Variants in PEMT observed in about 807,000 individuals in gnomAD.
The protein encoded by PEMT is phosphatidylethanolamine N-methyltransferase.
In PEMT, 23 loss-of-function variants were observed where a neutral mutation model predicts 27.4. That is an observed-to-expected ratio of 0.84 (90% CI 0.60 to 1.19). PEMT has a LOEUF of 1.19. Ranked by LOEUF, PEMT falls within the 50% of genes most tolerant of loss-of-function variation. The pLI is 0.00. For missense variants in PEMT, 307 were observed against 310.1 expected (o/e 0.99, Z 0.07); for synonymous variants, 137 against 139.1 (o/e 0.98, Z 0.11).
At chr17:17,584,358 A>G (rs2142759146) in intron 1 of PEMT, among the ~76,000 whole-genome samples, 1 of 152,098 alleles carries the variant, frequency 6.6e-6, no homozygotes, top group South Asian at 2.1e-4. Context: ...ACAGGGTTTC[A>G]CCGTGTTAGC....
chr17:17,508,406 C>G lies in PEMT; in HGVS notation c.578+1028G>C, dbSNP rs190925627. On this transcript the variant is annotated intron_variant, in intron 5 of 6. Transcript: ENST00000255389. ...GGGTCCCAGCCAGACCCACAGCCCC[C>G]CTTCTAGCTTCTGCTGTCTCCAACC... is the stretch of plus-strand genomic sequence containing the variant. The G allele has an allele frequency of 1.2e-3, 233 of 192,792 alleles. 1 individual carries two copies. The highest frequency in any genetic ancestry group is 2.1e-3 in the Non-Finnish European group (195 of 92,856). 11.9% of individuals were successfully genotyped at this position (192,792 alleles called of 1,614,324 possible). A position where few individuals can be genotyped will look rare whatever the true frequency, so the allele number is the denominator to read the frequency against.
Position 17,506,404 on chromosome 17 carries a change from G to A in PEMT, c.579-103C>T, listed in dbSNP as rs1597862675. On this transcript the variant is annotated intron_variant, in intron 5 of 6. Transcript: ENST00000255389. The stretch of plus-strand genomic sequence containing the variant: ...CTTCCTGCCGTGACCCTGGCCCTCC[G>A]GCCGACGCTGGGCCACTTGGGCCGA... The A allele has an allele frequency of 2.5e-5, 20 of 792,480 alleles. 1 individual carries two copies. Among genetic ancestry groups the A allele is most frequent in the African/African-American group, 1.7e-4 (10 of 57,204 alleles). 49.1% of individuals were successfully genotyped at this position (792,480 alleles called of 1,614,324 possible). A position where few individuals can be genotyped will look rare whatever the true frequency, so the allele number is the denominator to read the frequency against.
intron 2 of PEMT, among the ~76,000 whole-genome samples, chr17:17,571,460 G>C (rs1911186815): frequency 6.6e-6 from 1 of 152,192 alleles, no homozygotes; most frequent in South Asian, 2.1e-4. Flanking sequence ...CAGAGTGGAG[G>C]AGATGCCAGC....
At chr17:17,552,218 A>G (rs1159508738) in intron 2 of PEMT, among the ~76,000 whole-genome samples, 1 of 152,108 alleles carries the variant, frequency 6.6e-6, no homozygotes, top group East Asian at 1.9e-4. Context: ...AGGCTGAGGC[A>G]GGAGAATTGC....
At chr17:17,506,340 G>C in intron 5 of PEMT, 39 bp from the exon 6 acceptor site, 1 of 1,452,108 alleles carries the variant, frequency 6.9e-7, no homozygotes, top group Non-Finnish European at 9.4e-7. Flanking sequence ...GCTGGAGCCA[G>C]GGTCTCTCAG....
chr17:17,573,703 C>T (rs1280047267), intron 2 of PEMT, among the ~76,000 whole-genome samples: 1 of 152,138 alleles, frequency 6.6e-6, no homozygotes, highest in Non-Finnish European at 1.5e-5. Context: ...GAACCAATCT[C>T]CTATGGATAC....
intron 1 of PEMT, among the ~76,000 whole-genome samples, chr17:17,590,828 A>G (rs556658052): frequency 6.6e-6 from 1 of 152,324 alleles, no homozygotes; most frequent in Admixed American, 6.5e-5. Context: ...AATCCATTGG[A>G]ATTGGGAGCC....
rs2142724645 is a variant in PEMT, at chr17:17,570,553, C to T, written c.204+6367G>A. ...GGGTGAGGAGGCATGAGGGAGGGGACACCTGACAAGGACCACTCCAAGCTG... is the reference window on the plus strand; with the variant it reads ...GGGTGAGGAGGCATGAGGGAGGGGATACCTGACAAGGACCACTCCAAGCTG... On this transcript the variant is annotated intron_variant, in intron 2 of 6. Transcript: ENST00000255389. The T allele has an allele frequency of 4.1e-6, 4 of 985,376 alleles. No individual in the cohort carries two copies. In the South Asian group the frequency reaches 1.4e-4, roughly 35 times the overall value. The allele number at this position is 985,376 out of a possible 1,614,324, so 61.0% of individuals were successfully genotyped here. A position where few individuals can be genotyped will look rare whatever the true frequency, so the allele number is the denominator to read the frequency against.
At chr17:17,536,603 A>G (rs1346420930) in intron 2 of PEMT, among the ~76,000 whole-genome samples, 1 of 152,224 alleles carries the variant, frequency 6.6e-6, no homozygotes, top group Non-Finnish European at 1.5e-5. Context: ...AGGTGACCTC[A>G]TGGGAGTGTC....
chr17:17,565,603 C>A (rs1043738644), intron 2 of PEMT, among the ~76,000 whole-genome samples: 1 of 152,234 alleles, frequency 6.6e-6, no homozygotes, highest in Admixed American at 6.5e-5. Flanking sequence ...AACTGATGAA[C>A]CCTGGCAGCA....
chr17:17,546,150 C>G (rs999974391), intron 2 of PEMT, among the ~76,000 whole-genome samples: 1 of 152,174 alleles, frequency 6.6e-6, no homozygotes, highest in African/African-American at 2.4e-5. Flanking sequence ...GATGCACAGA[C>G]GCTCTGGCTG....
chr17:17,509,760 G>C (rs1352811839), intron 4 of PEMT, among the ~76,000 whole-genome samples: 1 of 152,170 alleles, frequency 6.6e-6, no homozygotes, highest in Non-Finnish European at 1.5e-5. Context: ...CTAAGGTGCT[G>C]AGCACCGCCC....
intron 1 of PEMT, among the ~76,000 whole-genome samples, chr17:17,584,912 T>C (rs535295028): frequency 6.6e-6 from 1 of 152,218 alleles, no homozygotes; most frequent in East Asian, 1.9e-4. Flanking sequence ...GAGGATTAAA[T>C]GAGAAAGTGC....
intron 2 of PEMT, among the ~76,000 whole-genome samples, chr17:17,528,739 T>G (rs1043732415): frequency 4.6e-5 from 7 of 152,104 alleles, no homozygotes; most frequent in Admixed American, 4.6e-4. Context: ...CAGCCCTCCA[T>G]TGGCCTTCTG....
At chr17:17,508,955 G>A (rs571108600) in intron 5 of PEMT, 39 of 298,448 alleles carry the variant, frequency 1.3e-4, no homozygotes, top group Admixed American at 2.6e-4. Context: ...TGATGTCCCC[G>A]CACAAGGGTC....
At chr17:17,563,466 G>A (rs1910627152) in intron 2 of PEMT, among the ~76,000 whole-genome samples, 1 of 152,220 alleles carries the variant, frequency 6.6e-6, no homozygotes, top group Non-Finnish European at 1.5e-5. Context: ...GAAGCCCCAG[G>A]ATTCTGCAGC....
chr17:17,567,774 C>G (rs1028393253), intron 2 of PEMT, among the ~76,000 whole-genome samples: 2 of 152,230 alleles, frequency 1.3e-5, no homozygotes, highest in Non-Finnish European at 2.9e-5. Flanking sequence ...CTCAGTCAGG[C>G]CTGATGAGCC....
chr17:17,506,716 A>G (rs1905885955), intron 5 of PEMT, among the ~76,000 whole-genome samples: 1 of 152,208 alleles, frequency 6.6e-6, no homozygotes, highest in Non-Finnish European at 1.5e-5. Context: ...GCTCTGAGGA[A>G]CAAAGGCTGT....
At chr17:17,540,488 G>A (rs1415373799) in intron 2 of PEMT, among the ~76,000 whole-genome samples, 1 of 152,170 alleles carries the variant, frequency 6.6e-6, no homozygotes, top group African/African-American at 2.4e-5. Flanking sequence ...CCCTAGGCAG[G>A]TGGCAGCAGC....
Sources: gnomAD v4.1 joint callset for allele counts (sites outside exome capture counted in the v4.1 genomes callset) on GRCh38, gnomAD v4.1.1 for gene constraint, MANE v1.5 for transcripts, NCBI Gene and HGNC (gene_info 2026-07-23, HGNC 2026-07-21) for gene names.